Variants in DCBLD1 observed in about 807,000 individuals in gnomAD.
DCBLD1 encodes discoidin, CUB and LCCL domain containing 1, also known as discoidin, CUB and LCCL domain-containing protein 1.
A neutral mutation model predicts 71.5 loss-of-function variants in DCBLD1; 57 were observed. The observed-to-expected ratio is 0.80, with a 90% CI of 0.64 to 0.99. The LOEUF (loss-of-function observed/expected upper bound fraction) is 0.99, where lower values mean the gene tolerates loss of function less well. Among genes scored for constraint, DCBLD1 ranks in the 50% least tolerant of loss-of-function variants. The pLI is 0.00. For missense variants in DCBLD1, 891 were observed against 923.5 expected, an observed-to-expected ratio of 0.96 and a Z score of 0.46; for synonymous variants, 380 against 363.8, an observed-to-expected ratio of 1.04 and a Z score of -0.51.
intron 14 of DCBLD1, chr6:117,562,789 A>G (rs1779611164): frequency 9.5e-6 from 2 of 209,774 alleles, no homozygotes; most frequent in South Asian, 1.9e-4. Flanking sequence ...AGTCAAGCCT[A>G]TATTTCTACA....
intron 1 of DCBLD1, among the ~76,000 whole-genome samples, chr6:117,501,326 A>G (rs1366266698): frequency 7.4e-6 from 1 of 135,558 alleles, no homozygotes; most frequent in East Asian, 2.0e-4. Context: ...CACGTCTTTC[A>G]GTTGTCATTG....
At chr6:117,542,539 G>C (rs530084314) in intron 11 of DCBLD1, among the ~76,000 whole-genome samples, 1 of 151,960 alleles carries the variant, frequency 6.6e-6, no homozygotes, top group Admixed American at 6.5e-5. Flanking sequence ...CCTTTTTTTA[G>C]AGCAGAAAGA....
chr6:117,497,880 TA>T (rs2114400225), intron 1 of DCBLD1, among the ~76,000 whole-genome samples: 1 of 152,312 alleles, frequency 6.6e-6, no homozygotes, highest in Non-Finnish European at 1.5e-5. Context: ...ATAGAATATT[TA>T]GAGGAAAAAT....
rs545824097 is a variant in DCBLD1, at chr6:117,536,861, A to G, written c.720-324A>G. Among the ~76,000 whole-genome samples the G allele has an allele frequency of 1.3e-4, 20 of 152,358 alleles. No individual in the cohort carries two copies. In the South Asian group the frequency reaches 3.3e-3, roughly 25 times the overall value. On this transcript the variant is annotated intron_variant, in intron 6 of 14. Coordinates refer to ENST00000338728, the MANE Select transcript of DCBLD1 (RefSeq NM_001366458.2). ...AGGTTATTCCTGAGGCTGTATATCT[A>G]CACATTCCTTTCCAATAAATTCAGC... is the stretch of plus-strand genomic sequence containing the variant.
At chr6:117,524,930 C>T (rs1232204062) in intron 4 of DCBLD1, among the ~76,000 whole-genome samples, 1 of 152,166 alleles carries the variant, frequency 6.6e-6, no homozygotes, top group Non-Finnish European at 1.5e-5. Context: ...GAAAGTTCCT[C>T]ACAATCCTAC....
At chr6:117,538,957 T>C in intron 8 of DCBLD1, 122 bp downstream of exon 8, 2 of 1,056,456 alleles carry the variant, frequency 1.9e-6, no homozygotes, top group Admixed American at 2.9e-5. Flanking sequence ...GTTCTTGAAA[T>C]ATTTGAAAAT....
chr6:117,490,649 A>G (rs1777259790), intron 1 of DCBLD1, among the ~76,000 whole-genome samples: 1 of 151,296 alleles, frequency 6.6e-6, no homozygotes, highest in South Asian at 2.1e-4. Context: ...TTTGTATTGA[A>G]TGGATCAGGC....
chr6:117,548,828 G>T lies in DCBLD1; in HGVS notation c.*389G>T. ...TTAGTTCTGCACAGAGGTTAAGTGGGAAAATGCAGCTGTTGCAAAATGTAT... is the reference window on the plus strand; with the variant it reads ...TTAGTTCTGCACAGAGGTTAAGTGGTAAAATGCAGCTGTTGCAAAATGTAT... On this transcript the variant is annotated 3_prime_UTR_variant, in exon 15 of 15. Coordinates refer to ENST00000338728, the MANE Select transcript of DCBLD1 (RefSeq NM_001366458.2). 9.4e-7 allele frequency: 1 copy of T among 1,059,058 alleles called. No individual in the cohort carries two copies. The highest frequency in any genetic ancestry group is 1.1e-6 in the Non-Finnish European group (1 of 876,714). The allele number at this position is 1,059,058 out of a possible 1,614,324, so 65.6% of individuals were successfully genotyped here. A position where few individuals can be genotyped will look rare whatever the true frequency, so the allele number is the denominator to read the frequency against.
chr6:117,544,084 C>T (rs564027011), intron 12 of DCBLD1, among the ~76,000 whole-genome samples: 62 of 152,138 alleles, frequency 4.1e-4, no homozygotes, highest in Non-Finnish European at 1.2e-4. Context: ...AGAGAAGGTA[C>T]AAAAGTCTCT....
At position 117,533,832 on chromosome 6, in the gene DCBLD1, G is replaced by A. The variant is rs1778800791; in HGVS notation, c.719+1439G>A. 3.3e-5 allele frequency among the ~76,000 whole-genome samples: 5 copies of A among 152,306 alleles called. No individual in the cohort carries two copies. The South Asian group carries it at 1.0e-3, about 32-fold the overall frequency. ...CACCATGCTCACGGCCAGGAGGCTG[G>A]CTGGTGGGTGTCTGTGGAGAAAAGG... On this transcript the variant is annotated intron_variant, in intron 6 of 14. Transcript: ENST00000338728.
chr6:117,538,984 TTC>T, intron 8 of DCBLD1, 149 bp downstream of exon 8: 1 of 912,920 alleles, frequency 1.1e-6, no homozygotes, highest in Non-Finnish European at 1.6e-6. Flanking sequence ...AATCTTTACA[TTC>T]TTTCTGTGAA....
intron 2 of DCBLD1, among the ~76,000 whole-genome samples, chr6:117,515,063 A>G (rs937059031): frequency 2.8e-5 from 4 of 142,996 alleles, no homozygotes; most frequent in Non-Finnish European, 1.5e-5. Context: ...TCTATCACCC[A>G]GGCTGAAATG....
intron 5 of DCBLD1, among the ~76,000 whole-genome samples, chr6:117,532,011 G>T (rs1206085668): frequency 6.6e-6 from 1 of 152,176 alleles, no homozygotes; most frequent in Non-Finnish European, 1.5e-5. Flanking sequence ...GTTAACTGGG[G>T]CTCAAGAGTC....
chr6:117,503,352 C>T (rs1249209988), intron 1 of DCBLD1, among the ~76,000 whole-genome samples: 3 of 152,220 alleles, frequency 2.0e-5, no homozygotes, highest in African/African-American at 7.2e-5. Flanking sequence ...TGTACATTAT[C>T]TCATTTAATC....
chr6:117,514,662 C>G (rs552668608), intron 2 of DCBLD1, among the ~76,000 whole-genome samples: 15 of 150,970 alleles, frequency 9.9e-5, no homozygotes, highest in African/African-American at 3.4e-4. Flanking sequence ...CCTCTAGTTA[C>G]AATTTTGCAG....
chr6:117,494,139 A>G (rs535945308), intron 1 of DCBLD1, among the ~76,000 whole-genome samples: 1 of 152,290 alleles, frequency 6.6e-6, no homozygotes, highest in South Asian at 2.1e-4. Context: ...GGGCCCTTTC[A>G]TAATTTTATT....
chr6:117,550,360 C>A (rs1779407908), downstream of DCBLD1, among the ~76,000 whole-genome samples: 1 of 152,162 alleles, frequency 6.6e-6, no homozygotes, highest in South Asian at 2.1e-4. Flanking sequence ...AGGATAAGGG[C>A]AGAAAAATTT....
Position 117,503,959 on chromosome 6 carries a change from C to G in DCBLD1, c.305C>G (p.Thr102Ser), listed in dbSNP as rs776317429. The G allele has an allele frequency of 6.2e-7, 1 of 1,614,004 alleles. No homozygotes were observed. The highest frequency in any genetic ancestry group is 1.1e-5 in the South Asian group (1 of 91,074). The change falls in exon 2 of 15, where the codon ACC becomes AGC. Residue 102 changes from threonine (T) to serine (S), a missense_variant. Thr to Ser is a moderately conservative substitution (Grantham distance 58). Coordinates refer to ENST00000338728, the MANE Select transcript of DCBLD1 (RefSeq NM_001366458.2). ...QTCASDYLLF[T>S]SSSDQYGPYC... is the part of the protein sequence containing the mutation. ...TGTGCTTCTGACTATCTTCTCTTCA[C>G]CAGCTCTTCAGATCAATATGGTAAG...
At chr6:117,569,701 A>G (rs1438193865) in exon 15 of DCBLD1, 2 of 1,607,036 alleles carry the variant, frequency 1.2e-6, no homozygotes, top group Non-Finnish European at 1.7e-6. Flanking sequence ...GATGGATCTC[A>G]GAGATGAGGA....
Sources: allele counts gnomAD v4.1 joint callset (sites outside exome capture counted in the v4.1 genomes callset), GRCh38; gene constraint gnomAD v4.1.1; transcripts MANE v1.5; gene names NCBI Gene and HGNC (gene_info 2026-07-23, HGNC 2026-07-21).